AGBL1: variants seen among roughly 807,000 people sequenced by gnomAD.
The protein encoded by AGBL1 is cytosolic carboxypeptidase 4.
AGBL1 carries 130 observed loss-of-function variants against 118.9 expected under a neutral mutation model. That is an observed-to-expected ratio of 1.09 (90% CI 0.95 to 1.26). AGBL1 has a LOEUF of 1.26. Ranked by LOEUF, AGBL1 falls within the 50% of genes most tolerant of loss-of-function variation. The pLI, the probability that AGBL1 is intolerant of heterozygous loss-of-function variation, is 0.00. For synonymous variants in AGBL1, 555 were observed against 478.9 expected (o/e 1.16, Z -2.08); for missense variants, 1,584 against 1,298.1 (o/e 1.22, Z -3.38).
At chr15:86,686,508 G>A (rs1370393203) in intron 22 of AGBL1, among the ~76,000 whole-genome samples, 1 of 146,788 alleles carries the variant, frequency 6.8e-6, no homozygotes, top group Admixed American at 7.1e-5. Context: ...CATGATCTCG[G>A]CTCACTGCAA....
intron 22 of AGBL1, among the ~76,000 whole-genome samples, chr15:86,873,872 T>C (rs2079765730): frequency 6.6e-6 from 1 of 152,178 alleles, no homozygotes; most frequent in Admixed American, 6.5e-5. Context: ...AACTATAGAA[T>C]GGAACTCAAG....
intron 1 of AGBL1, among the ~76,000 whole-genome samples, chr15:86,097,060 C>T (rs550481934): frequency 1.3e-5 from 2 of 152,260 alleles, no homozygotes; most frequent in East Asian, 3.9e-4. Context: ...TTCTAGAATT[C>T]TATTACCTCT....
intron 1 of AGBL1, 148 bp from the exon 2 acceptor site, chr15:86,141,856 A>T (rs2076967550): frequency 4.0e-6 from 3 of 743,704 alleles, no homozygotes; most frequent in Non-Finnish European, 6.4e-6. Flanking sequence ...TGGGTCTCTT[A>T]CCAAGTGAAT....
downstream of AGBL1, among the ~76,000 whole-genome samples, chr15:86,917,754 G>A (rs748540059): frequency 2.7e-5 from 4 of 148,426 alleles, no homozygotes; most frequent in African/African-American, 5.0e-5. This position sits in a 1 kb window ranked among gnomAD's most constrained non-coding sequence, Gnocchi z 4.8. Context: ...GGGGAGTGGG[G>A]CCAGGGGTGT....
At chr15:86,765,304 A>C (rs576205317) in intron 22 of AGBL1, among the ~76,000 whole-genome samples, 25 of 152,122 alleles carry the variant, frequency 1.6e-4, no homozygotes, top group South Asian at 8.3e-4. Flanking sequence ...TGCAACCATG[A>C]CAGTCACTGG....
chr15:86,272,103 G>A (rs2079171911), intron 15 of AGBL1, among the ~76,000 whole-genome samples: 1 of 152,120 alleles, frequency 6.6e-6, no homozygotes. Context: ...CCGTGGTTTA[G>A]TTTTCCAAAG....
intron 22 of AGBL1, among the ~76,000 whole-genome samples, chr15:86,786,679 C>G (rs1420909365): frequency 1.3e-5 from 2 of 152,142 alleles, no homozygotes; most frequent in Non-Finnish European, 2.9e-5. Context: ...TCTCAACTTT[C>G]ATGTAATTGT....
intron 18 of AGBL1, among the ~76,000 whole-genome samples, chr15:86,496,052 C>G (rs1362260886): frequency 6.6e-6 from 1 of 151,900 alleles, no homozygotes; most frequent in African/African-American, 2.4e-5. Context: ...CTCTGTGTCC[C>G]TATCCAGATC....
chr15:86,604,768 C>A (rs2084548079), intron 21 of AGBL1, among the ~76,000 whole-genome samples: 1 of 145,982 alleles, frequency 6.9e-6, no homozygotes. Flanking sequence ...TTTCACATTT[C>A]TTTTTCTTTC....
At chr15:86,959,818 T>G (rs1050387761) in intron 23 of AGBL1, among the ~76,000 whole-genome samples, 2 of 152,116 alleles carry the variant, frequency 1.3e-5, no homozygotes, top group African/African-American at 4.8e-5. Context: ...ATTATTCTTA[T>G]CTGAGTTTCT....
chr15:86,130,420 G>A (rs1033746961), intron 1 of AGBL1, among the ~76,000 whole-genome samples: 2 of 152,078 alleles, frequency 1.3e-5, no homozygotes, highest in African/African-American at 4.8e-5. Context: ...GAAGGAGCCT[G>A]AAAAATCGTG....
chr15:86,968,568 C>T (rs778872893), intron 23 of AGBL1, among the ~76,000 whole-genome samples: 4 of 151,910 alleles, frequency 2.6e-5, no homozygotes, highest in Non-Finnish European at 5.9e-5. Flanking sequence ...GGCCCCGTGA[C>T]TACACCATGT....
intron 23 of AGBL1, among the ~76,000 whole-genome samples, chr15:86,940,142 C>G (rs2080732444): frequency 7.5e-6 from 1 of 132,692 alleles, no homozygotes; most frequent in Non-Finnish European, 1.6e-5. Flanking sequence ...CTTCTATGCT[C>G]AAGAGCTCCA....
chr15:86,428,222 C>A (rs1734135734), intron 18 of AGBL1, among the ~76,000 whole-genome samples: 1 of 152,154 alleles, frequency 6.6e-6, no homozygotes. Flanking sequence ...TATTTGGAAT[C>A]CTCATGCAGC....
At chr15:86,382,322 A>G (rs913436176) in intron 17 of AGBL1, among the ~76,000 whole-genome samples, 1 of 152,212 alleles carries the variant, frequency 6.6e-6, no homozygotes, top group African/African-American at 2.4e-5. Flanking sequence ...ACTGTTTGCA[A>G]GCAGCAAAAG....
rs1462662399 is a variant in AGBL1 at position 86,720,432 on chromosome 15, T to C, written c.3158+45996T>C. On this transcript the variant is annotated intron_variant, in intron 22 of 22. Coordinates refer to ENST00000614907, the MANE Select transcript of AGBL1 (RefSeq NM_001386094.1). ...TTGTTCTTAATGCTACCACTGTAGA[T>C]TGTATTAAAGTTCTCAAGTATTCCT... Among the ~76,000 whole-genome samples the C allele has an allele frequency of 2.6e-5, 4 of 152,190 alleles. No homozygotes were observed. The East Asian group carries it at 7.7e-4, about 29-fold the overall frequency.
At position 86,270,021 on chromosome 15, in the gene AGBL1, C is replaced by T. The variant is rs751073513; in HGVS notation, c.1941C>T (p.His647=). ...GTATGCAGGCGGCCATCCCTTACCA[C>T]TTCAACATCATCAACTGTGAGAAGC... ...VSGMQAAIPY[H]FNIINCEKPN... Residue 647 remains histidine (H), a synonymous_variant, in exon 14 of 23, where the codon CAC becomes CAT. Coordinates refer to ENST00000614907, the MANE Select transcript of AGBL1 (RefSeq NM_001386094.1). The T allele has an allele frequency of 9.9e-6, 16 of 1,613,374 alleles. No homozygotes were observed. The highest frequency in any genetic ancestry group is 1.7e-5 in the Admixed American group (1 of 59,930).
chr15:86,894,486 A>G (rs528823671), intron 22 of AGBL1, among the ~76,000 whole-genome samples: 1 of 152,260 alleles, frequency 6.6e-6, no homozygotes, highest in South Asian at 2.1e-4. Flanking sequence ...TCTGGCATGT[A>G]GAATGCTGCC....
chr15:86,235,376 G>A (rs8034235), intron 6 of AGBL1, among the ~76,000 whole-genome samples: 113,120 of 152,158 alleles, frequency 0.74, 43,346 homozygotes, highest in African/African-American at 0.94. Flanking sequence ...GCATGCACTT[G>A]TTTTGTTTTA....
Sources: gnomAD v4.1 joint callset for allele counts (sites outside exome capture counted in the v4.1 genomes callset) on GRCh38, gnomAD v4.1.1 for gene constraint, Gnocchi (gnomAD v3.1) non-coding constraint, MANE v1.5 for transcripts, NCBI Gene and HGNC (gene_info 2026-07-23, HGNC 2026-07-21) for gene names.